The following PKHD1 variants were observed in gnomAD, a reference collection of about 807,000 sequenced individuals.
The protein encoded by PKHD1 is fibrocystin.
In PKHD1, 291 loss-of-function variants were observed where a neutral mutation model predicts 412.0. The ratio of observed to expected loss-of-function variants is 0.71; its 90% CI spans 0.64 to 0.78. PKHD1 has a LOEUF of 0.78. Ranked by LOEUF, PKHD1 falls within the 30% of genes least tolerant of loss-of-function variation. The probability of loss-of-function intolerance (pLI) is 0.00; values close to 1 mark genes in which losing one functional copy is unlikely to be tolerated. For synonymous variants in PKHD1, 1,777 were observed against 1,821.5 expected (o/e 0.98, Z 0.62); for missense variants, 4,825 against 4,950.7 (o/e 0.97, Z 0.76).
chr6:51,717,751 A>G (rs1781448714), intron 60 of PKHD1, among the ~76,000 whole-genome samples: 1 of 152,210 alleles, frequency 6.6e-6, no homozygotes, highest in Non-Finnish European at 1.5e-5. Flanking sequence ...TTGAGTAAGC[A>G]ATCCGTCAAT....
At chr6:51,731,048 G>A (rs1783176499) in intron 60 of PKHD1, among the ~76,000 whole-genome samples, 1 of 152,066 alleles carries the variant, frequency 6.6e-6, no homozygotes, top group African/African-American at 2.4e-5. Flanking sequence ...AGCCTCCCAA[G>A]TAGCTGGTAT....
At chr6:51,706,786 G>A (rs538836214) in intron 60 of PKHD1, among the ~76,000 whole-genome samples, 25 of 152,180 alleles carry the variant, frequency 1.6e-4, no homozygotes, top group African/African-American at 5.3e-4. Context: ...CTGGAAAGCC[G>A]ACGAAGTACC....
intron 52 of PKHD1, among the ~76,000 whole-genome samples, chr6:51,814,591 G>A (rs981423232): frequency 2.0e-5 from 3 of 152,174 alleles, no homozygotes; most frequent in Non-Finnish European, 4.4e-5. Flanking sequence ...AGCCACAGGA[G>A]GCCTGCAGGC....
intron 60 of PKHD1, among the ~76,000 whole-genome samples, chr6:51,725,152 GT>G (rs761382439): frequency 6.6e-6 from 1 of 152,196 alleles, no homozygotes; most frequent in African/African-American, 2.4e-5. Flanking sequence ...TGATCCCTCT[GT>G]GTCCCTGCAG....
chr6:51,870,054 G>A (rs1158023014), intron 47 of PKHD1, among the ~76,000 whole-genome samples: 1 of 152,154 alleles, frequency 6.6e-6, no homozygotes, highest in African/African-American at 2.4e-5. Context: ...GCCCTGGACT[G>A]TTGAAAACAT....
chr6:51,834,955 G>T (rs1326606), intron 51 of PKHD1, among the ~76,000 whole-genome samples: 67,243 of 151,938 alleles, frequency 0.44, 15,982 homozygotes, highest in Middle Eastern at 0.61. Context: ...CTACTGATAT[G>T]ACTAAGTTTA....
chr6:51,625,479 AGAG>A (rs1362152777), intron 66 of PKHD1, among the ~76,000 whole-genome samples: 8 of 152,168 alleles, frequency 5.3e-5, no homozygotes, highest in Non-Finnish European at 1.0e-4. Context: ...TGTGATCCCC[AGAG>A]GAGGATTCGG....
rs1362429174 is a variant in PKHD1, at chr6:51,884,569, C to T, written c.7215+1298G>A. ...CCCCTTATTCTTCACTATAAAAGTG[C>T]AATTCCAAGAATATTTTTATTATTT... is the stretch of plus-strand genomic sequence containing the variant. On this transcript the variant is annotated intron_variant, in intron 45 of 66. Coordinates refer to ENST00000371117, the MANE Select transcript of PKHD1 (RefSeq NM_138694.4). Among the ~76,000 whole-genome samples, 4 of 152,172 alleles carry T rather than the reference C, an allele frequency of 2.6e-5. No homozygotes were observed. In the South Asian group the frequency reaches 6.2e-4, roughly 24 times the overall value.
chr6:51,717,181 G>A (rs1781372767), intron 60 of PKHD1, among the ~76,000 whole-genome samples: 1 of 152,224 alleles, frequency 6.6e-6, no homozygotes, highest in South Asian at 2.1e-4. Flanking sequence ...GGAGGCCAAG[G>A]CAGGCGGATC....
intron 56 of PKHD1, among the ~76,000 whole-genome samples, chr6:51,754,076 TC>T (rs1786558926): frequency 6.6e-6 from 1 of 152,168 alleles, no homozygotes; most frequent in Non-Finnish European, 1.5e-5. Context: ...CTCTCAAGTA[TC>T]AGAGACAAAA....
At chr6:51,793,513 C>T (rs1582724830) in intron 52 of PKHD1, among the ~76,000 whole-genome samples, 1 of 152,168 alleles carries the variant, frequency 6.6e-6, no homozygotes, top group Admixed American at 6.5e-5. Context: ...TCTTCCTCCT[C>T]CCACCACCTG....
intron 53 of PKHD1, among the ~76,000 whole-genome samples, chr6:51,779,137 T>C (rs1321504137): frequency 6.6e-6 from 1 of 152,170 alleles, no homozygotes; most frequent in Non-Finnish European, 1.5e-5. Flanking sequence ...GTGTTATTTA[T>C]TTATAATTGG....
chr6:51,959,829 A>G lies in PKHD1; in HGVS notation c.5908+41T>C, dbSNP rs769537671. The G allele has an allele frequency of 2.6e-6, 4 of 1,558,454 alleles. No homozygotes were observed. In the Admixed American group the frequency reaches 5.0e-5, roughly 20 times the overall value. ...CTCCATCCCCCCTACAAGTGATATA[A>G]TCATATAGAATAATATTACCAACCT... On this transcript the variant is annotated intron_variant, in intron 36 of 66. Transcript: ENST00000371117.
intron 43 of PKHD1, among the ~76,000 whole-genome samples, chr6:51,900,184 G>A (rs1008976015): frequency 3.3e-4 from 50 of 152,112 alleles, no homozygotes; most frequent in Admixed American, 2.9e-3. Context: ...AAGTTCATAT[G>A]GAACCAAAAA....
In PKHD1 at chr6:51,747,972, A is replaced by G; in HGVS notation, c.9644T>C (p.Ile3215Thr). 6.2e-7 allele frequency: 1 copy of G among 1,614,088 alleles called. No homozygotes were observed. The highest frequency in any genetic ancestry group is 8.5e-7 in the Non-Finnish European group (1 of 1,179,980). The change falls in exon 58 of 67, where the codon ATT becomes ACT. Residue 3215 changes from isoleucine (I) to threonine (T), a missense_variant. Ile to Thr is a moderately conservative substitution (Grantham distance 89, BLOSUM62 -1). Coordinates refer to ENST00000371117, the MANE Select transcript of PKHD1 (RefSeq NM_138694.4). ...TGAGTGCGGCTTCACTTTGTCCTGA[A>G]TGCAGTCAAAAGAAGAGCTGGTGGC... ...IVATSSSFDC[I>T]QDKVKPHSAN...
intron 43 of PKHD1, among the ~76,000 whole-genome samples, chr6:51,892,180 A>G (rs976750846): frequency 6.6e-6 from 1 of 152,220 alleles, no homozygotes; most frequent in Non-Finnish European, 1.5e-5. Context: ...CCAATTTCCT[A>G]AAAGCACTTA....
At chr6:51,808,638 A>C (rs1443541383) in intron 52 of PKHD1, among the ~76,000 whole-genome samples, 1 of 152,130 alleles carries the variant, frequency 6.6e-6, no homozygotes, top group African/African-American at 2.4e-5. Flanking sequence ...TAAGCTGTGC[A>C]GACTTCTTAT....
chr6:51,950,210 G>GAAAAAAA (rs574963733), intron 36 of PKHD1, among the ~76,000 whole-genome samples: 9 of 113,112 alleles, frequency 8.0e-5, no homozygotes, highest in African/African-American at 2.5e-4. Flanking sequence ...GCAATATAGA[G>GAAAAAAA]AAAAAAAAAA....
At chr6:52,043,554 A>C in intron 26 of PKHD1, 71 bp downstream of exon 26, 1 of 1,027,416 alleles carries the variant, frequency 9.7e-7, no homozygotes, top group Non-Finnish European at 1.5e-6. Flanking sequence ...ATCACCAGCT[A>C]CATGGCCTCT....
Sources: allele counts gnomAD v4.1 joint callset (sites outside exome capture counted in the v4.1 genomes callset), GRCh38; gene constraint gnomAD v4.1.1; transcripts MANE v1.5; gene names NCBI Gene and HGNC (gene_info 2026-07-23, HGNC 2026-07-21).